The following NKAIN3 variants were observed in gnomAD, a reference collection of about 807,000 sequenced individuals.
NKAIN3 encodes the protein sodium/potassium-transporting ATPase subunit beta-1-interacting protein 3.
A neutral mutation model predicts 30.2 loss-of-function variants in NKAIN3; 25 were observed. The observed-to-expected ratio is 0.83, with a 90% confidence interval of 0.60 to 1.16. The LOEUF (loss-of-function observed/expected upper bound fraction) is 1.16, where lower values mean the gene tolerates loss of function less well. Among genes scored for constraint, NKAIN3 ranks in the 50% most tolerant of loss-of-function variants. The probability of loss-of-function intolerance (pLI) is 0.00; values close to 1 mark genes in which losing one functional copy is unlikely to be tolerated. For synonymous variants in NKAIN3, 91 were observed against 89.6 expected (o/e 1.02, Z -0.09); for missense variants, 225 against 254.1 (o/e 0.89, Z 0.78).
intron 5 of NKAIN3, among the ~76,000 whole-genome samples, chr8:62,942,634 T>C (rs185798302): frequency 2.6e-5 from 4 of 151,868 alleles, no homozygotes; most frequent in Admixed American, 2.6e-4. Flanking sequence ...CAAACTATGC[T>C]ACAAGGCTAT....
chr8:62,763,615 C>A (rs1178575676), intron 4 of NKAIN3, among the ~76,000 whole-genome samples: 2 of 152,100 alleles, frequency 1.3e-5, no homozygotes, highest in Non-Finnish European at 2.9e-5. Context: ...TCAGGATACA[C>A]AAAGCTTTTA....
At chr8:62,447,281 A>C (rs556327866) in intron 1 of NKAIN3, among the ~76,000 whole-genome samples, 1 of 152,036 alleles carries the variant, frequency 6.6e-6, no homozygotes, top group Non-Finnish European at 1.5e-5. Flanking sequence ...TCATTTGAAA[A>C]TATTGTATTT....
At chr8:62,428,894 A>C (rs1015772743) in intron 1 of NKAIN3, among the ~76,000 whole-genome samples, 1 of 151,836 alleles carries the variant, frequency 6.6e-6, no homozygotes, top group African/African-American at 2.4e-5. Flanking sequence ...ACAGAAAAAA[A>C]TATTTGCCCA....
At chr8:62,644,874 T>A (rs1299450138) in intron 3 of NKAIN3, among the ~76,000 whole-genome samples, 1 of 152,200 alleles carries the variant, frequency 6.6e-6, no homozygotes, top group Non-Finnish European at 1.5e-5. Context: ...CTTGTGCAGT[T>A]GTCTGCATTC....
rs113793836 is a variant in NKAIN3 at position 62,856,186 on chromosome 8, T to A, written c.472-62267T>A. 4.5e-3 allele frequency: 3,460 copies of A among 769,246 alleles called. 69 individuals are homozygous for A. In the African/African-American group the frequency reaches 0.049, roughly 11 times the overall value. The allele number at this position is 769,246 out of a possible 1,614,324, so 47.7% of individuals were successfully genotyped here. ...TGGTATCACTAGGCAGAAGCAAACT[T>A]CCTGTATTTGTATTAAATGTCTGGG... is the stretch of plus-strand genomic sequence containing the variant. On this transcript the variant is annotated intron_variant, in intron 4 of 6. Transcript: ENST00000623646.
At chr8:62,806,869 G>A (rs561652614) in intron 4 of NKAIN3, among the ~76,000 whole-genome samples, 2 of 151,934 alleles carry the variant, frequency 1.3e-5, no homozygotes, top group African/African-American at 4.8e-5. Context: ...CCAGAGAGAT[G>A]TCTTGTTTAT....
chr8:62,327,321 T>C lies in NKAIN3; in HGVS notation c.54+78194T>C, dbSNP rs1326290474. On this transcript the variant is annotated intron_variant, in intron 1 of 6. Coordinates refer to ENST00000623646, the MANE Select transcript of NKAIN3 (RefSeq NM_001304533.3). The stretch of plus-strand genomic sequence containing the variant: ...GATACACAAAAGCTTTAAGTTTCCA[T>C]GAAGTGCAATTTGTTTGTTTTTTCT... 1.4e-4 allele frequency among the ~76,000 whole-genome samples: 22 copies of C among 152,058 alleles called. 1 individual carries two copies.
chr8:62,776,572 G>A (rs978729866), intron 4 of NKAIN3, among the ~76,000 whole-genome samples: 3 of 152,132 alleles, frequency 2.0e-5, no homozygotes, highest in Admixed American at 6.6e-5. Context: ...CAAGGAAAGA[G>A]AAAACCAATA....
chr8:62,400,496 G>C (rs1275193458), intron 1 of NKAIN3, among the ~76,000 whole-genome samples: 1 of 152,092 alleles, frequency 6.6e-6, no homozygotes, highest in Non-Finnish European at 1.5e-5. Context: ...CTAGAAATCG[G>C]ATGTTTTGTT....
intron 1 of NKAIN3, among the ~76,000 whole-genome samples, chr8:62,379,145 GGACT>G (rs1817188185): frequency 6.6e-6 from 1 of 152,184 alleles, no homozygotes; most frequent in Non-Finnish European, 1.5e-5. Flanking sequence ...GTTGGATTTT[GGACT>G]TACATGGGGC....
At chr8:62,634,211 C>T (rs1812057144) in intron 3 of NKAIN3, among the ~76,000 whole-genome samples, 1 of 151,900 alleles carries the variant, frequency 6.6e-6, no homozygotes, top group African/African-American at 2.4e-5. Context: ...AGGCCTCCCA[C>T]ATAGATCAAG....
chr8:62,895,446 C>T (rs1161863162), intron 4 of NKAIN3, among the ~76,000 whole-genome samples: 1 of 152,206 alleles, frequency 6.6e-6, no homozygotes, highest in East Asian at 1.9e-4. Flanking sequence ...AGAATCTCAG[C>T]TCTTCTCCAA....
At chr8:62,908,047 C>A (rs1324683583) in intron 4 of NKAIN3, among the ~76,000 whole-genome samples, 3 of 152,168 alleles carry the variant, frequency 2.0e-5, no homozygotes, top group African/African-American at 7.2e-5. Context: ...GGGGGTGATA[C>A]CCTGCAAAGC....
At chr8:62,445,696 C>G (rs545687915) in intron 1 of NKAIN3, among the ~76,000 whole-genome samples, 1 of 152,196 alleles carries the variant, frequency 6.6e-6, no homozygotes, top group East Asian at 1.9e-4. Context: ...CCTCTCTGTC[C>G]TCACTCCTTG....
At chr8:62,440,364 G>T (rs1167345361) in intron 1 of NKAIN3, among the ~76,000 whole-genome samples, 7 of 152,148 alleles carry the variant, frequency 4.6e-5, no homozygotes, top group Non-Finnish European at 1.0e-4. Context: ...GACAAAATTT[G>T]CTGCTGAAAT....
chr8:62,458,033 A>G (rs951987817), intron 1 of NKAIN3, among the ~76,000 whole-genome samples: 2 of 152,168 alleles, frequency 1.3e-5, no homozygotes, highest in Non-Finnish European at 2.9e-5. Context: ...TTAGTGTATA[A>G]TCCAGCTTTG....
chr8:62,877,779 AC>A (rs1204848872), intron 4 of NKAIN3, among the ~76,000 whole-genome samples: 6 of 152,130 alleles, frequency 3.9e-5, no homozygotes, highest in African/African-American at 1.4e-4. Flanking sequence ...AGTGGCTCAC[AC>A]CTGTAATCCC....
intron 4 of NKAIN3, among the ~76,000 whole-genome samples, chr8:62,766,917 G>A (rs114552145): frequency 5.1e-4 from 27 of 53,048 alleles, no homozygotes; most frequent in African/African-American, 1.3e-3. Context: ...CCCACCCCCC[G>A]ACCCCGGCGA....
At chr8:62,828,059 A>G (rs1819078330) in intron 4 of NKAIN3, among the ~76,000 whole-genome samples, 1 of 152,094 alleles carries the variant, frequency 6.6e-6, no homozygotes, top group Non-Finnish European at 1.5e-5. Flanking sequence ...GTATATTCAC[A>G]CAATGCAATA....
Sources: gnomAD v4.1 joint callset for allele counts (sites outside exome capture counted in the v4.1 genomes callset) on GRCh38, gnomAD v4.1.1 for gene constraint, MANE v1.5 for transcripts, NCBI Gene and HGNC (gene_info 2026-07-23, HGNC 2026-07-21) for gene names.